Variants in DHRS12 observed in about 807,000 individuals in gnomAD.
DHRS12 encodes the protein dehydrogenase/reductase SDR family member 12.
Under a neutral mutation model 32.1 loss-of-function variants are expected in DHRS12, and 29 were observed. The observed-to-expected ratio is 0.90, with a 90% CI of 0.67 to 1.23. DHRS12 has a LOEUF of 1.23. Ranked by LOEUF, DHRS12 falls within the 50% of genes most tolerant of loss-of-function variation. The pLI is 0.00. For missense variants in DHRS12, 330 were observed against 337.2 expected (o/e 0.98, Z 0.17); for synonymous variants, 150 against 135.9 (o/e 1.10, Z -0.72).
At chr13:51,768,427 C>A (rs1442911264) in intron 8 of DHRS12, 131 bp from the exon 9 acceptor site, 2 of 1,466,202 alleles carry the variant, frequency 1.4e-6, no homozygotes, top group African/African-American at 2.8e-5. Context: ...AGACCCCCAT[C>A]CCTGCTGTCA....
chr13:51,790,290 G>A (rs1955207719), intron 3 of DHRS12, among the ~76,000 whole-genome samples, 198 bp from the exon 4 acceptor site: 1 of 152,116 alleles, frequency 6.6e-6, no homozygotes, highest in Admixed American at 6.5e-5. Context: ...ACAGAACTGT[G>A]CAAAGATCGC....
At chr13:51,786,605 C>T (rs1334827140) in intron 4 of DHRS12, among the ~76,000 whole-genome samples, 1 of 152,170 alleles carries the variant, frequency 6.6e-6, no homozygotes, top group African/African-American at 2.4e-5. Context: ...GCCCCACCCG[C>T]CCCCGCAAAA....
intron 2 of DHRS12, among the ~76,000 whole-genome samples, chr13:51,795,181 C>G (rs1955460549): frequency 6.6e-6 from 1 of 152,160 alleles, no homozygotes; most frequent in South Asian, 2.1e-4. Context: ...CACCCAGACC[C>G]TCCTGCCCAA....
chr13:51,794,653 C>T (rs933437100), intron 2 of DHRS12, among the ~76,000 whole-genome samples: 6 of 152,192 alleles, frequency 3.9e-5, no homozygotes, highest in Non-Finnish European at 7.3e-5. Context: ...CCTCTGTGAT[C>T]TTTCCCTCTA....
intron 7 of DHRS12, chr13:51,770,980 TGATA>T: frequency 7.4e-7 from 1 of 1,360,224 alleles, no homozygotes; most frequent in Non-Finnish European, 9.4e-7. Context: ...CCAAGGCTTC[TGATA>T]AATAGTGATT....
At position 51,770,203 on chromosome 13, in the gene DHRS12, G is replaced by A. The variant is rs1788756005; in HGVS notation, c.560-910C>T. Among the ~76,000 whole-genome samples the A allele has an allele frequency of 2.0e-5, 3 of 152,210 alleles. No individual in the cohort carries two copies. In the South Asian group the frequency reaches 6.2e-4, roughly 32 times the overall value. On this transcript the variant is annotated intron_variant, in intron 7 of 8. Coordinates refer to ENST00000444610, the MANE Select transcript of DHRS12 (RefSeq NM_001377533.1). ...TACTTGTTTACTGTAGAAAAATCAG[G>A]ATAAACTGATAGGCAAAAAGAAAAA...
At chr13:51,773,248 C>A (rs192789684) in intron 6 of DHRS12, among the ~76,000 whole-genome samples, 2 of 152,254 alleles carry the variant, frequency 1.3e-5, no homozygotes, top group African/African-American at 4.8e-5. Flanking sequence ...GAACTCAAAT[C>A]TAAACACAAA....
Position 51,771,929 on chromosome 13 carries a change from AG to A in DHRS12, c.469-19del. ...TGCTGCCTCTGGACAGGAAGGAGCG[AG>A]GGGGTGAACAGGAGAGAGGAGGCGC... On this transcript the variant is annotated intron_variant, in intron 6 of 8. Coordinates refer to ENST00000444610, the MANE Select transcript of DHRS12 (RefSeq NM_001377533.1). 6.2e-7 allele frequency: 1 copy of A among 1,613,452 alleles called. No homozygotes were observed. The highest frequency in any genetic ancestry group is 1.1e-5 in the South Asian group (1 of 91,072).
chr13:51,785,425 C>A (rs549043848), intron 4 of DHRS12, among the ~76,000 whole-genome samples: 44 of 151,522 alleles, frequency 2.9e-4, no homozygotes, highest in African/African-American at 1.0e-3. Context: ...AAGTACACTT[C>A]TCTGATTCTT....
chr13:51,782,597 G>A lies in DHRS12; in HGVS notation c.302-5476C>T, dbSNP rs954000970. ...GTGAGCTGCAGGATGCCCGGGACTC[G>A]GGGACCATGAGAGGCTGGTGGAGGA... On this transcript the variant is annotated intron_variant, in intron 4 of 8. Transcript: ENST00000444610. This position sits in a 1 kb window ranked among gnomAD's most constrained non-coding sequence, Gnocchi z 4.2. 3.9e-5 allele frequency among the ~76,000 whole-genome samples: 6 copies of A among 152,150 alleles called. No homozygotes were observed. The highest frequency in any genetic ancestry group is 2.1e-4 in the South Asian group (1 of 4,828).
the DHRS12 span, among the ~76,000 whole-genome samples, chr13:51,754,868 ATATT>A: frequency 2.0e-5 from 3 of 152,178 alleles, no homozygotes; most frequent in African/African-American, 7.2e-5. Context: ...ATGTCTTTAA[ATATT>A]TATTTGTTTT....
At chr13:51,803,581 T>A (rs1292211755) in intron 1 of DHRS12, 1 of 152,632 alleles carries the variant, frequency 6.6e-6, no homozygotes, top group East Asian at 1.9e-4. Context: ...AAGTTCCAGC[T>A]GGAGCCAAAG....
chr13:51,777,222 C>A (rs1193716568), intron 4 of DHRS12, 101 bp from the exon 5 acceptor site: 20 of 1,359,416 alleles, frequency 1.5e-5, no homozygotes, highest in Admixed American at 7.1e-5. Flanking sequence ...ACCCGCCCCC[C>A]ACAAGAGGGC....
At chr13:51,786,005 T>C (rs1954937594) in intron 4 of DHRS12, among the ~76,000 whole-genome samples, 1 of 152,234 alleles carries the variant, frequency 6.6e-6, no homozygotes, top group African/African-American at 2.4e-5. Flanking sequence ...CAGTATGTGC[T>C]ATTGTTATGA....
At chr13:51,803,996 C>T (rs977656050) in intron 1 of DHRS12, 58 bp downstream of exon 1, 32 of 1,399,464 alleles carry the variant, frequency 2.3e-5, no homozygotes, top group Non-Finnish European at 2.9e-5. Context: ...CCTGCTCGCC[C>T]GCGCCGAGGC....
chr13:51,773,245 A>C, intron 6 of DHRS12, among the ~76,000 whole-genome samples: 1 of 152,224 alleles, frequency 6.6e-6, no homozygotes, highest in Non-Finnish European at 1.5e-5. Context: ...ATAGAACTCA[A>C]ATCTAAACAC....
At chr13:51,797,883 T>C in intron 2 of DHRS12, 3 of 1,535,898 alleles carry the variant, frequency 2.0e-6, no homozygotes, top group Non-Finnish European at 2.6e-6. Context: ...GGGCTTGATC[T>C]CGACAAACCA....
At chr13:51,789,103 A>G (rs1440362811) in intron 4 of DHRS12, among the ~76,000 whole-genome samples, 1 of 152,164 alleles carries the variant, frequency 6.6e-6, no homozygotes, top group South Asian at 2.1e-4. Context: ...CTGTTATTCC[A>G]TCGGCTTACT....
rs552062929 is a variant in DHRS12, at chr13:51,781,748, G to T, written c.302-4627C>A. 2.0e-5 allele frequency among the ~76,000 whole-genome samples: 3 copies of T among 152,342 alleles called. No individual in the cohort carries two copies. The South Asian group carries it at 6.2e-4, about 32-fold the overall frequency. On this transcript the variant is annotated intron_variant, in intron 4 of 8. Transcript: ENST00000444610. ...TGCAACCGAGTGAGCATGGTAGAGG[G>T]TAGGGCAATGTGAGGCTGCAGCCTC...
Sources: gnomAD v4.1 joint callset for allele counts (sites outside exome capture counted in the v4.1 genomes callset) on GRCh38, gnomAD v4.1.1 for gene constraint, Gnocchi (gnomAD v3.1) non-coding constraint, MANE v1.5 for transcripts, NCBI Gene and HGNC (gene_info 2026-07-23, HGNC 2026-07-21) for gene names.